The following ARHGEF28 variants were observed in gnomAD, a reference collection of about 807,000 sequenced individuals.
ARHGEF28 encodes the protein Rho guanine nucleotide exchange factor 28, also known as 190 kDa guanine nucleotide exchange factor.
ARHGEF28 carries 152 observed loss-of-function variants against 206.6 expected under a neutral mutation model. The observed-to-expected ratio is 0.74, with a 90% CI of 0.64 to 0.84. The LOEUF (loss-of-function observed/expected upper bound fraction) is 0.84, where lower values mean the gene tolerates loss of function less well. ARHGEF28 is among the 40% of genes least tolerant of loss of function. ARHGEF28 has a pLI of 0.00. For missense variants in ARHGEF28, 2,028 were observed against 2,073.2 expected, an observed-to-expected ratio of 0.98 and a Z score of 0.42; for synonymous variants, 763 against 776.4, an observed-to-expected ratio of 0.98 and a Z score of 0.29.
intron 2 of ARHGEF28, among the ~76,000 whole-genome samples, chr5:73,744,524 A>C (rs1751614329): frequency 6.7e-6 from 1 of 149,254 alleles, no homozygotes; most frequent in Non-Finnish European, 1.5e-5. Context: ...CTTGTTCTAC[A>C]GGAAAGGCTC....
intron 9 of ARHGEF28, among the ~76,000 whole-genome samples, chr5:73,819,498 C>G (rs930958190): frequency 6.6e-6 from 1 of 152,170 alleles, no homozygotes; most frequent in African/African-American, 2.4e-5. Flanking sequence ...ATTATTCAAA[C>G]TGGAGGTTGG....
At chr5:73,871,009 G>T (rs987889845) in intron 21 of ARHGEF28, among the ~76,000 whole-genome samples, 1 of 152,176 alleles carries the variant, frequency 6.6e-6, no homozygotes, top group Non-Finnish European at 1.5e-5. Context: ...AGATGAGATG[G>T]TGTATGAGTG....
intron 9 of ARHGEF28, among the ~76,000 whole-genome samples, chr5:73,804,692 G>GT (rs1176314845): frequency 4.7e-5 from 7 of 150,460 alleles, no homozygotes; most frequent in South Asian, 2.1e-4. Flanking sequence ...CCTTAATTGG[G>GT]TTTTTTCTGA....
intron 2 of ARHGEF28, among the ~76,000 whole-genome samples, chr5:73,737,527 T>TTTTCTTTTCTTTTC (rs1561368163): frequency 9.7e-5 from 5 of 51,402 alleles, no homozygotes; most frequent in South Asian, 7.0e-4. Flanking sequence ...CTTTTCTTTT[T>TTTTCTTTTCTTTTC]TGTGATGGAG....
chr5:73,848,013 A>T (rs1043728442), intron 12 of ARHGEF28, among the ~76,000 whole-genome samples: 1 of 152,206 alleles, frequency 6.6e-6, no homozygotes, highest in Non-Finnish European at 1.5e-5. Context: ...TCCTTAGAGG[A>T]AACAAAAGAG....
chr5:73,676,116 G>T (rs1289256391), intron 1 of ARHGEF28, among the ~76,000 whole-genome samples: 4 of 147,466 alleles, frequency 2.7e-5, no homozygotes, highest in South Asian at 2.2e-4. Flanking sequence ...TGTCACCCAG[G>T]CCAGAGTGCA....
chr5:73,761,957 A>G (rs1378364141), intron 4 of ARHGEF28, among the ~76,000 whole-genome samples: 1 of 148,408 alleles, frequency 6.7e-6, no homozygotes, highest in Non-Finnish European at 1.5e-5. Context: ...CATCCTCCCT[A>G]GTAACTGGGA....
chr5:73,832,371 C>A lies in ARHGEF28; in HGVS notation c.1058C>A (p.Pro353Gln). Residue 353 changes from proline to glutamine, a missense_variant, in exon 10 of 36, where the codon CCG (proline) becomes CAG (glutamine). Physicochemically the swap from Pro to Gln is moderately conservative, Grantham distance 76. Coordinates refer to ENST00000513042, the MANE Select transcript of ARHGEF28 (RefSeq NM_001177693.2). The part of the protein sequence containing the change: ...RSFDILKKSK[P>Q]PSTLLAAGRL... The stretch of plus-strand genomic sequence containing the variant: ...TTCGATATCCTAAAAAAATCCAAGC[C>A]GCCCTCGACATTGCTTGCTGCAGGC... 6.2e-7 allele frequency: 1 copy of A among 1,612,544 alleles called. No homozygotes were observed. The highest frequency in any genetic ancestry group is 8.5e-7 in the Non-Finnish European group (1 of 1,179,256).
At chr5:73,887,727 C>A (rs745878336) in intron 26 of ARHGEF28, 48 bp downstream of exon 26, 4 of 1,432,520 alleles carry the variant, frequency 2.8e-6, no homozygotes, top group Non-Finnish European at 1.9e-6. Flanking sequence ...TTTAACCACA[C>A]ATTTTCTTGA....
chr5:73,781,411 C>T (rs771949495), intron 7 of ARHGEF28, among the ~76,000 whole-genome samples: 7 of 152,224 alleles, frequency 4.6e-5, no homozygotes, highest in Non-Finnish European at 1.0e-4. Flanking sequence ...TGGAATCATT[C>T]TGATGCCCCA....
chr5:73,814,158 A>G (rs1756033188), intron 9 of ARHGEF28, among the ~76,000 whole-genome samples: 1 of 152,118 alleles, frequency 6.6e-6, no homozygotes, highest in Non-Finnish European at 1.5e-5. Flanking sequence ...ATTTTATACT[A>G]TTTTATTGAT....
chr5:73,677,948 A>G (rs553556025), intron 1 of ARHGEF28, among the ~76,000 whole-genome samples: 10 of 152,356 alleles, frequency 6.6e-5, no homozygotes, highest in Middle Eastern at 3.4e-3. Context: ...TGGCATTTAT[A>G]TAGTGAAAAG....
chr5:73,677,382 C>A (rs947629325), intron 1 of ARHGEF28, among the ~76,000 whole-genome samples: 1 of 152,068 alleles, frequency 6.6e-6, no homozygotes, highest in Non-Finnish European at 1.5e-5. Context: ...CTGAGTATTA[C>A]CTGTTAATTA....
At chr5:73,639,495 A>C (rs776199994) in intron 1 of ARHGEF28, among the ~76,000 whole-genome samples, 3 of 151,920 alleles carry the variant, frequency 2.0e-5, no homozygotes, top group Non-Finnish European at 2.9e-5. Flanking sequence ...CTATAAATTT[A>C]TATACATTTT....
At chr5:73,926,625 A>G (rs1375625533) in intron 35 of ARHGEF28, among the ~76,000 whole-genome samples, 1 of 152,086 alleles carries the variant, frequency 6.6e-6, no homozygotes, top group Admixed American at 6.5e-5. Flanking sequence ...TGCCACATGC[A>G]GCCACAGCCA....
intron 10 of ARHGEF28, among the ~76,000 whole-genome samples, chr5:73,838,906 A>G (rs1466275210): frequency 6.6e-6 from 1 of 151,808 alleles, no homozygotes; most frequent in African/African-American, 2.4e-5. Flanking sequence ...ATTCCATTAC[A>G]TGTGTTGCAT....
chr5:73,784,352 C>T (rs1358654348), intron 7 of ARHGEF28, among the ~76,000 whole-genome samples: 8 of 152,096 alleles, frequency 5.3e-5, no homozygotes, highest in African/African-American at 9.7e-5. Flanking sequence ...TTATTGCCTA[C>T]GATCCAGTTA....
chr5:73,853,586 C>G (rs968877008), intron 14 of ARHGEF28, among the ~76,000 whole-genome samples: 6 of 151,724 alleles, frequency 4.0e-5, no homozygotes, highest in Admixed American at 2.6e-4. Context: ...TCAAATGATA[C>G]AAAAGAGGAA....
chr5:73,793,053 C>A (rs568289774), intron 7 of ARHGEF28, among the ~76,000 whole-genome samples: 1 of 152,284 alleles, frequency 6.6e-6, no homozygotes, highest in African/African-American at 2.4e-5. Flanking sequence ...GTTGACATGA[C>A]CACACAAAAT....
Sources: gnomAD v4.1 joint callset for allele counts (sites outside exome capture counted in the v4.1 genomes callset) on GRCh38, gnomAD v4.1.1 for gene constraint, MANE v1.5 for transcripts, NCBI Gene and HGNC (gene_info 2026-07-23, HGNC 2026-07-21) for gene names.